PAX3: variants seen among roughly 807,000 people sequenced by gnomAD.
PAX3 encodes paired box 3, also known as paired box protein Pax-3.
In PAX3, 14 loss-of-function variants were observed where a neutral mutation model predicts 51.6. That is an observed-to-expected ratio of 0.27 (90% confidence interval 0.18 to 0.42). The LOEUF (loss-of-function observed/expected upper bound fraction) is 0.42, where lower values mean the gene tolerates loss of function less well. PAX3 is among the 10% of genes least tolerant of loss of function. The pLI is 1.00. For missense variants in PAX3, 540 were observed against 642.8 expected (o/e 0.84, Z 1.73); for synonymous variants, 280 against 253.4 (o/e 1.11, Z -1.00).
At chr2:222,288,347 A>G (rs1694908870) in intron 4 of PAX3, among the ~76,000 whole-genome samples, 1 of 152,350 alleles carries the variant, frequency 6.6e-6, no homozygotes, top group African/African-American at 2.4e-5. Flanking sequence ...TTAGTGTAAT[A>G]AATAAACTCT....
chr2:222,218,628 A>C (rs1432487734), intron 7 of PAX3, among the ~76,000 whole-genome samples: 1 of 152,198 alleles, frequency 6.6e-6, no homozygotes, highest in Non-Finnish European at 1.5e-5. Context: ...AGAAGCTCAT[A>C]TGCCATGAAT....
At chr2:222,292,528 G>C (rs752637546) in intron 4 of PAX3, among the ~76,000 whole-genome samples, 1 of 152,240 alleles carries the variant, frequency 6.6e-6, no homozygotes, top group Non-Finnish European at 1.5e-5. Context: ...TACTGCGAGA[G>C]AGCAGCCAGT....
intron 4 of PAX3, among the ~76,000 whole-genome samples, chr2:222,271,719 C>A (rs1469950941): frequency 1.3e-5 from 2 of 152,146 alleles, no homozygotes; most frequent in African/African-American, 4.8e-5. Context: ...CTATGTAATT[C>A]TCAATAAAGC....
intron 7 of PAX3, among the ~76,000 whole-genome samples, chr2:222,202,615 CA>C (rs1426241102): frequency 6.6e-6 from 1 of 151,836 alleles, no homozygotes; most frequent in Non-Finnish European, 1.5e-5. Flanking sequence ...GATTTTTAAA[CA>C]GTCATTTGCT....
rs896632180 is a variant in PAX3 at position 222,265,529 on chromosome 2, T to C, written c.586+28638A>G. Among the ~76,000 whole-genome samples the C allele has an allele frequency of 9.2e-5, 14 of 152,060 alleles. No individual in the cohort carries two copies. The East Asian group carries it at 2.7e-3, about 30-fold the overall frequency. On this transcript the variant is annotated intron_variant, in intron 4 of 8. Transcript: ENST00000392070. ...ATAGCCGGGCGTGGTGGTGGGCGCC[T>C]GTAGTCCTAGCAACTCGGGAGGCTG... is the stretch of plus-strand genomic sequence containing the variant.
chr2:222,271,333 C>T (rs1381855771), intron 4 of PAX3, among the ~76,000 whole-genome samples: 1 of 152,186 alleles, frequency 6.6e-6, no homozygotes, highest in Non-Finnish European at 1.5e-5. Context: ...GCAAATCCAG[C>T]TCAACAAGAC....
rs1284966998 is a variant in PAX3, at chr2:222,252,402, T to C, written c.587-20119A>G. Among the ~76,000 whole-genome samples, 3 of 152,180 alleles carry C rather than the reference T, an allele frequency of 2.0e-5. No individual in the cohort carries two copies. The East Asian group carries it at 5.8e-4, about 29-fold the overall frequency. ...AAATCAACATTATTATTATACCCCA[T>C]TTTACAGATTGAAAAAACGAGGCTC... On this transcript the variant is annotated intron_variant, in intron 4 of 8. Coordinates refer to ENST00000392070, the MANE Select transcript of PAX3 (RefSeq NM_181458.4).
At chr2:222,245,583 G>A (rs1693195695) in intron 4 of PAX3, among the ~76,000 whole-genome samples, 1 of 152,116 alleles carries the variant, frequency 6.6e-6, no homozygotes, top group African/African-American at 2.4e-5. Flanking sequence ...TGCAGAACTG[G>A]AGGGAAATGA....
At chr2:222,231,418 C>T (rs1193047012) in intron 5 of PAX3, among the ~76,000 whole-genome samples, 1 of 152,154 alleles carries the variant, frequency 6.6e-6, no homozygotes, top group Admixed American at 6.5e-5. Context: ...ATCTAAGTAG[C>T]CTTTCCAGAA....
intron 5 of PAX3, among the ~76,000 whole-genome samples, chr2:222,228,977 T>C (rs1201013975): frequency 6.6e-6 from 1 of 151,802 alleles, no homozygotes; most frequent in Non-Finnish European, 1.5e-5. Flanking sequence ...AAAGCAGATC[T>C]AGTAGGTGGG....
intron 4 of PAX3, among the ~76,000 whole-genome samples, chr2:222,253,823 T>C (rs1352267340): frequency 1.3e-5 from 2 of 151,888 alleles, no homozygotes; most frequent in Non-Finnish European, 2.9e-5. Flanking sequence ...CACATCCCAC[T>C]AATTTTTTTT....
At chr2:222,227,546 C>G (rs1055904817) in intron 5 of PAX3, among the ~76,000 whole-genome samples, 3 of 152,134 alleles carry the variant, frequency 2.0e-5, no homozygotes, top group South Asian at 4.2e-4. Context: ...GAGCAGAGAT[C>G]GCACCACTGT....
rs1047080304 is a variant in PAX3 at position 222,204,082 on chromosome 2, T to A, written c.1174-1892A>T. 3.3e-5 allele frequency among the ~76,000 whole-genome samples: 5 copies of A among 152,276 alleles called. No individual in the cohort carries two copies. The East Asian group carries it at 5.8e-4, about 18-fold the overall frequency. On this transcript the variant is annotated intron_variant, in intron 7 of 8. Transcript: ENST00000392070. ...GTAAAACATCCTTTTTTACAATTTT[T>A]AAAAATTAGTTATATTTTTAAAAAA...
rs546069039 is a variant in PAX3, at chr2:222,208,206, C to T, written c.1174-6016G>A. 1.6e-4 allele frequency among the ~76,000 whole-genome samples: 24 copies of T among 152,136 alleles called. No homozygotes were observed. In the East Asian group the frequency reaches 3.7e-3, roughly 23 times the overall value. On this transcript the variant is annotated intron_variant, in intron 7 of 8. Coordinates refer to ENST00000392070, the MANE Select transcript of PAX3 (RefSeq NM_181458.4). ...ATTCTCATATGTTTTAATTCATTTA[C>T]GCATGCCTGCATTTAATATGCTTTG... is the stretch of plus-strand genomic sequence containing the variant.
intron 4 of PAX3, among the ~76,000 whole-genome samples, chr2:222,280,802 G>A (rs573595634): frequency 1.2e-4 from 18 of 152,282 alleles, no homozygotes; most frequent in African/African-American, 3.6e-4. Context: ...TACTTGGAGC[G>A]AATTGCCTGT....
intron 4 of PAX3, among the ~76,000 whole-genome samples, chr2:222,254,316 GTCTTT>G (rs1360381116): frequency 2.6e-5 from 4 of 152,198 alleles, no homozygotes; most frequent in African/African-American, 9.6e-5. Flanking sequence ...CGTTTTGTCA[GTCTTT>G]TCTCACCTTA....
chr2:222,272,179 C>T (rs1574726424), intron 4 of PAX3, among the ~76,000 whole-genome samples: 1 of 152,166 alleles, frequency 6.6e-6, no homozygotes, highest in African/African-American at 2.4e-5. Context: ...TTAGAGGAAA[C>T]TCTCATCTTC....
intron 4 of PAX3, among the ~76,000 whole-genome samples, chr2:222,241,482 G>A (rs148435921): frequency 1.2e-4 from 19 of 152,318 alleles, no homozygotes; most frequent in Non-Finnish European, 2.4e-4. Context: ...AAAACAGTGC[G>A]TTGAAAGCAA....
intron 4 of PAX3, chr2:222,233,144 C>T (rs542743596): frequency 7.3e-6 from 1 of 136,310 alleles, no homozygotes; most frequent in African/African-American, 2.8e-5. Context: ...TTATGAGTTT[C>T]AAGAAGGCAA....
Sources: gnomAD v4.1 joint callset for allele counts (sites outside exome capture counted in the v4.1 genomes callset) on GRCh38, gnomAD v4.1.1 for gene constraint, MANE v1.5 for transcripts, NCBI Gene and HGNC (gene_info 2026-07-23, HGNC 2026-07-21) for gene names.